The following EPRS1 variants were observed in gnomAD, a reference collection of about 807,000 sequenced individuals.
The protein encoded by EPRS1 is bifunctional glutamate/proline--tRNA ligase.
In EPRS1, 107 loss-of-function variants were observed where a neutral mutation model predicts 188.3. The observed-to-expected ratio is 0.57, with a 90% CI of 0.49 to 0.67. The LOEUF (loss-of-function observed/expected upper bound fraction) is 0.67, where lower values mean the gene tolerates loss of function less well. Ranked by LOEUF, EPRS1 falls within the 30% of genes least tolerant of loss-of-function variation. EPRS1 has a pLI of 0.00. For synonymous variants in EPRS1, 596 were observed against 593.1 expected, an observed-to-expected ratio of 1.00 and a Z score of -0.07; for missense variants, 1,577 against 1,802.2, an observed-to-expected ratio of 0.88 and a Z score of 2.26.
chr1:219,993,946 A>C (rs1161092848), intron 18 of EPRS1, among the ~76,000 whole-genome samples: 1 of 152,254 alleles, frequency 6.6e-6, no homozygotes. Context: ...TATAGTACAC[A>C]GTGCCAGATG....
chr1:220,002,662 C>T (rs1661382640), intron 16 of EPRS1, among the ~76,000 whole-genome samples: 1 of 152,022 alleles, frequency 6.6e-6, no homozygotes, highest in South Asian at 2.1e-4. Context: ...GAGTTCAAGA[C>T]TAGCCTGGGA....
chr1:219,978,081 CAAAAT>C (rs767518201), intron 28 of EPRS1, among the ~76,000 whole-genome samples: 5 of 152,086 alleles, frequency 3.3e-5, no homozygotes, highest in South Asian at 2.1e-4. Context: ...CTTTAATAAA[CAAAAT>C]AAAAATCAAC....
intron 7 of EPRS1, 112 bp downstream of exon 7, chr1:220,025,020 G>GA (rs906213141): frequency 8.6e-6 from 9 of 1,043,818 alleles, no homozygotes; most frequent in African/African-American, 3.1e-5. Context: ...TATAGATAGG[G>GA]AAAAAAGCAG....
chr1:219,986,777 A>AT (rs1355828679), intron 20 of EPRS1, among the ~76,000 whole-genome samples: 2 of 93,716 alleles, frequency 2.1e-5, no homozygotes, highest in African/African-American at 3.8e-5. Context: ...AGGAGAGAAA[A>AT]TATGTATGTG....
chr1:219,995,745 C>T (rs1020476563), intron 18 of EPRS1, among the ~76,000 whole-genome samples: 14 of 152,128 alleles, frequency 9.2e-5, no homozygotes, highest in African/African-American at 2.9e-4. Flanking sequence ...AATATTAACT[C>T]CTGGGGCAAG....
intron 18 of EPRS1, among the ~76,000 whole-genome samples, chr1:219,989,078 T>C (rs1409658221): frequency 6.6e-6 from 1 of 151,990 alleles, no homozygotes; most frequent in Non-Finnish European, 1.5e-5. Context: ...AACAGACAAA[T>C]AATAGAACAT....
At chr1:220,027,956 G>A (rs1662015846) in intron 6 of EPRS1, among the ~76,000 whole-genome samples, 2 of 152,028 alleles carry the variant, frequency 1.3e-5, no homozygotes, top group South Asian at 4.1e-4. Context: ...AAAGGATGGA[G>A]TTTAATAACA....
At chr1:219,998,236 T>C (rs994292704) in intron 17 of EPRS1, among the ~76,000 whole-genome samples, 12 of 152,186 alleles carry the variant, frequency 7.9e-5, no homozygotes, top group African/African-American at 2.9e-4. Flanking sequence ...TCCAGAATTC[T>C]GTCCTGATCC....
intron 12 of EPRS1, 76 bp from the exon 13 acceptor site, chr1:220,011,132 A>G (rs1222183270): frequency 1.4e-5 from 11 of 796,120 alleles, no homozygotes; most frequent in Non-Finnish European, 2.4e-5. Context: ...ATAATAGCAC[A>G]GGAATACTAA....
At chr1:220,005,173 G>T in intron 16 of EPRS1, 75 bp downstream of exon 16, 1 of 565,252 alleles carries the variant, frequency 1.8e-6, no homozygotes, top group South Asian at 3.6e-5. Context: ...TTTAGTGAAA[G>T]TTCAATTTCT....
intron 2 of EPRS1, among the ~76,000 whole-genome samples, chr1:220,036,503 TAA>T (rs1172985325): frequency 4.3e-5 from 6 of 138,102 alleles, no homozygotes; most frequent in African/African-American, 2.6e-5. Flanking sequence ...TATGCAGCCA[TAA>T]AAAAAAAAAA....
chr1:219,984,281 T>C, intron 20 of EPRS1, 24 bp from the exon 21 acceptor site: 4 of 1,579,136 alleles, frequency 2.5e-6, no homozygotes, highest in Non-Finnish European at 3.5e-6. Context: ...AAGTAAAAGA[T>C]AAATATCTTC....
chr1:219,980,672 G>A (rs1455323947), intron 25 of EPRS1, 84 bp downstream of exon 25: 1 of 893,060 alleles, frequency 1.1e-6, no homozygotes, highest in Admixed American at 2.1e-5. Flanking sequence ...TTTAACAGGT[G>A]TTACATACAT....
intron 16 of EPRS1, among the ~76,000 whole-genome samples, chr1:220,001,461 G>A (rs540792967): frequency 6.6e-6 from 1 of 151,990 alleles, no homozygotes; most frequent in Non-Finnish European, 1.5e-5. Flanking sequence ...CACCTCCTGC[G>A]TTCAAGTGAT....
chr1:220,039,863 G>C (rs887392635), intron 2 of EPRS1, among the ~76,000 whole-genome samples: 1 of 152,218 alleles, frequency 6.6e-6, no homozygotes, highest in Non-Finnish European at 1.5e-5. Context: ...AAACGTGGTG[G>C]CTCACGTCTT....
At chr1:219,981,506 CT>C in intron 23 of EPRS1, 49 bp from the exon 24 acceptor site, 2 of 1,192,200 alleles carry the variant, frequency 1.7e-6, no homozygotes, top group South Asian at 2.9e-5. Context: ...TTTATTTCTC[CT>C]TTAGGGATGT....
intron 30 of EPRS1, among the ~76,000 whole-genome samples, chr1:219,970,852 C>A (rs1012846603): frequency 4.3e-4 from 65 of 149,622 alleles, no homozygotes; most frequent in African/African-American, 1.6e-3. Flanking sequence ...ATTACAAAAG[C>A]AATAACCCAA....
chr1:220,009,359 T>C (rs1001914304), intron 13 of EPRS1, among the ~76,000 whole-genome samples: 2 of 152,218 alleles, frequency 1.3e-5, no homozygotes, highest in African/African-American at 4.8e-5. Flanking sequence ...TGGCTACTAG[T>C]ATATGCGTTA....
At chr1:220,008,567 T>TTG (rs2102582006) in intron 13 of EPRS1, among the ~76,000 whole-genome samples, 1 of 152,318 alleles carries the variant, frequency 6.6e-6, no homozygotes, top group South Asian at 2.1e-4. Flanking sequence ...AAAAAATACT[T>TTG]TGCGACGGAA....
Sources: allele counts gnomAD v4.1 joint callset (sites outside exome capture counted in the v4.1 genomes callset), GRCh38; gene constraint gnomAD v4.1.1; transcripts MANE v1.5; gene names NCBI Gene and HGNC (gene_info 2026-07-23, HGNC 2026-07-21).